Variants in CERK observed in about 807,000 individuals in gnomAD.
CERK encodes ceramide kinase.
CERK carries 39 observed loss-of-function variants against 63.4 expected under a neutral mutation model. The ratio of observed to expected loss-of-function variants is 0.61; its 90% CI spans 0.48 to 0.80. The LOEUF (loss-of-function observed/expected upper bound fraction) is 0.80, where lower values mean the gene tolerates loss of function less well. Ranked by LOEUF, CERK falls within the 30% of genes least tolerant of loss-of-function variation. CERK has a pLI of 0.00. For missense variants in CERK, 670 were observed against 714.1 expected (o/e 0.94, Z 0.70); for synonymous variants, 302 against 280.0 (o/e 1.08, Z -0.78).
At chr22:46,692,977 T>G (rs558827997) in intron 10 of CERK, among the ~76,000 whole-genome samples, 36 of 151,716 alleles carry the variant, frequency 2.4e-4, no homozygotes, top group African/African-American at 7.5e-4. Flanking sequence ...ATGTGGAAAT[T>G]CTATGAAACT....
chr22:46,695,082 G>A (rs1382483827), intron 9 of CERK, 128 bp downstream of exon 9: 17 of 603,346 alleles, frequency 2.8e-5, no homozygotes, highest in Non-Finnish European at 4.2e-5. Flanking sequence ...CATAGGCATC[G>A]TGTGTCTGGG....
rs574264074 is a variant in CERK, at chr22:46,712,101, G to C, written c.505+67C>G. The C allele has an allele frequency of 2.5e-6, 4 of 1,571,120 alleles. No individual in the cohort carries two copies. In the East Asian group the frequency reaches 9.0e-5, roughly 35 times the overall value. On this transcript the variant is annotated intron_variant, in intron 4 of 12. Coordinates refer to ENST00000216264, the MANE Select transcript of CERK (RefSeq NM_022766.6). Reference sequence around the variant, plus strand: ...GACACCGTCTAGAAAAAGCAGAAACGTCTCTAGTGACTATACTTGAATCAT... The same window carrying C: ...GACACCGTCTAGAAAAAGCAGAAACCTCTCTAGTGACTATACTTGAATCAT...
chr22:46,696,323 C>T (rs961168827), intron 8 of CERK, among the ~76,000 whole-genome samples: 6 of 152,176 alleles, frequency 3.9e-5, no homozygotes, highest in East Asian at 1.9e-4. Context: ...GCTGCAGCTC[C>T]GCCTCCCTGC....
At chr22:46,689,698 G>C (rs1024146553) in intron 12 of CERK, among the ~76,000 whole-genome samples, 2 of 152,170 alleles carry the variant, frequency 1.3e-5, no homozygotes, top group African/African-American at 4.8e-5. Flanking sequence ...TGCCAGCCTG[G>C]AGCACAGGGT....
intron 1 of CERK, among the ~76,000 whole-genome samples, chr22:46,725,117 A>G (rs1291187238): frequency 6.6e-6 from 1 of 152,084 alleles, no homozygotes; most frequent in African/African-American, 2.4e-5. Context: ...AGGACTCCAC[A>G]GTGAGAGAAC....
At position 46,714,148 on chromosome 22, in the gene CERK, G is replaced by A. The variant is rs58434973; in HGVS notation, c.380-1855C>T. ...TAGCTGGGAATGGTGGCAAGCACCT[G>A]TAATTCCAGCTGCTCAGGAGGCTGA... is the stretch of plus-strand genomic sequence containing the variant. On this transcript the variant is annotated intron_variant, in intron 3 of 12. Coordinates refer to ENST00000216264, the MANE Select transcript of CERK (RefSeq NM_022766.6). The surrounding 1 kb of genome is among the most constrained non-coding windows in gnomAD (Gnocchi z 4.4). Among the ~76,000 whole-genome samples, 1,050 of 152,344 alleles carry A rather than the reference G, an allele frequency of 6.9e-3. 12 individuals are homozygous for A. The highest frequency in any genetic ancestry group is 0.024 in the African/African-American group (1,001 of 41,568).
intron 1 of CERK, among the ~76,000 whole-genome samples, chr22:46,727,407 G>A (rs2082923974): frequency 6.6e-6 from 1 of 150,576 alleles, no homozygotes; most frequent in Non-Finnish European, 1.5e-5. Flanking sequence ...AGCTTCCCAA[G>A]TAGTTGGGAC....
At chr22:46,716,742 C>T (rs1220253058) in intron 3 of CERK, among the ~76,000 whole-genome samples, 2 of 151,598 alleles carry the variant, frequency 1.3e-5, no homozygotes, top group Non-Finnish European at 2.9e-5. Context: ...AGTTCAAGAT[C>T]AGCCTGGCCA....
chr22:46,694,328 T>G (rs2082745705), intron 9 of CERK, among the ~76,000 whole-genome samples: 3 of 152,074 alleles, frequency 2.0e-5, no homozygotes, highest in Non-Finnish European at 4.4e-5. Context: ...TTATTTAAGG[T>G]TCTATTTACA....
At chr22:46,722,447 G>A (rs1327728938) in intron 1 of CERK, among the ~76,000 whole-genome samples, 1 of 152,094 alleles carries the variant, frequency 6.6e-6, no homozygotes, top group African/African-American at 2.4e-5. Context: ...CTGGAGAGCA[G>A]AGGTCTCAGG....
At chr22:46,687,989 G>A (rs2082711825) in intron 12 of CERK, among the ~76,000 whole-genome samples, 1 of 152,152 alleles carries the variant, frequency 6.6e-6, no homozygotes, top group Non-Finnish European at 1.5e-5. Flanking sequence ...CTGAGGTCAG[G>A]AGTTTGAGAC....
At chr22:46,699,061 C>T (rs1047553651) in intron 8 of CERK, among the ~76,000 whole-genome samples, 1 of 152,064 alleles carries the variant, frequency 6.6e-6, no homozygotes, top group East Asian at 1.9e-4. Flanking sequence ...GAGTGAACTG[C>T]GTCCGTCATG....
At chr22:46,693,275 C>CCGACGA in intron 10 of CERK, 152 bp downstream of exon 10, 1 of 653,538 alleles carries the variant, frequency 1.5e-6, no homozygotes, top group South Asian at 1.8e-5. Flanking sequence ...CCTGACGCTG[C>CCGACGA]CTGGGGCTAA....
chr22:46,692,165 G>A (rs135671), intron 10 of CERK, among the ~76,000 whole-genome samples: 27,231 of 152,196 alleles, frequency 0.18, 2,766 homozygotes, highest in East Asian at 0.35. Context: ...GGTGGCTCAC[G>A]CCTGTAATCC....
chr22:46,701,553 C>T (rs135688), intron 7 of CERK, 83 bp downstream of exon 7: 301,329 of 1,195,866 alleles, frequency 0.25, 39,719 homozygotes, highest in East Asian at 0.38. Flanking sequence ...GGCTGGAACA[C>T]GCGACGGGGA....
chr22:46,702,041 C>T (rs988016033), intron 6 of CERK, among the ~76,000 whole-genome samples: 6 of 151,794 alleles, frequency 4.0e-5, no homozygotes, highest in East Asian at 2.0e-4. Context: ...ATTAGCCAGG[C>T]GTGGTGGCAT....
At chr22:46,711,294 CG>C in intron 4 of CERK, 145 bp from the exon 5 acceptor site, 1 of 654,552 alleles carries the variant, frequency 1.5e-6, no homozygotes, top group East Asian at 2.8e-5. Flanking sequence ...AATTCTACAT[CG>C]CTCTTATGGG....
intron 1 of CERK, among the ~76,000 whole-genome samples, chr22:46,729,013 G>A (rs1204908673): frequency 6.6e-6 from 1 of 152,216 alleles, no homozygotes; most frequent in Admixed American, 6.5e-5. Flanking sequence ...CACCTCCCTC[G>A]CCACATGAGA....
chr22:46,689,865 T>C, intron 12 of CERK, 127 bp downstream of exon 12: 1 of 636,760 alleles, frequency 1.6e-6, no homozygotes, highest in East Asian at 2.9e-5. Context: ...AGTGCATTTA[T>C]AAAACATTCT....
Sources: gnomAD v4.1 joint callset for allele counts (sites outside exome capture counted in the v4.1 genomes callset) on GRCh38, gnomAD v4.1.1 for gene constraint, Gnocchi (gnomAD v3.1) non-coding constraint, MANE v1.5 for transcripts, NCBI Gene and HGNC (gene_info 2026-07-23, HGNC 2026-07-21) for gene names.